Variants in LRRTM4 observed in about 807,000 individuals in gnomAD.
LRRTM4 encodes leucine-rich repeat transmembrane neuronal protein 4.
In LRRTM4, 25 loss-of-function variants were observed where a neutral mutation model predicts 47.6. The ratio of observed to expected loss-of-function variants is 0.53; its 90% CI spans 0.38 to 0.73. The LOEUF (loss-of-function observed/expected upper bound fraction) is 0.73, where lower values mean the gene tolerates loss of function less well. Ranked by LOEUF, LRRTM4 falls within the 30% of genes least tolerant of loss-of-function variation. The pLI, the probability that LRRTM4 is intolerant of heterozygous loss-of-function variation, is 0.00. For missense variants in LRRTM4, 638 were observed against 713.4 expected, an observed-to-expected ratio of 0.89 and a Z score of 1.20; for synonymous variants, 311 against 269.5, an observed-to-expected ratio of 1.15 and a Z score of -1.51.
intron 3 of LRRTM4, among the ~76,000 whole-genome samples, chr2:77,325,179 G>C (rs146786578): frequency 2.0e-5 from 3 of 152,036 alleles, no homozygotes; most frequent in African/African-American, 4.8e-5. Context: ...CCAAAGGACT[G>C]CCCCCCTTCA....
intron 3 of LRRTM4, among the ~76,000 whole-genome samples, chr2:77,176,933 T>A (rs1673213151): frequency 6.6e-6 from 1 of 152,098 alleles, no homozygotes. Context: ...TATAATACAT[T>A]AATATAATAA....
intron 3 of LRRTM4, among the ~76,000 whole-genome samples, chr2:77,253,268 T>C (rs939550879): frequency 1.3e-5 from 2 of 152,150 alleles, no homozygotes; most frequent in Admixed American, 6.6e-5. Flanking sequence ...ATTCATACTT[T>C]AGGGTTATAA....
Position 76,924,916 on chromosome 2 carries a change from C to A in LRRTM4, c.1552-176000G>T, listed in dbSNP as rs556955894. 1.4e-4 allele frequency among the ~76,000 whole-genome samples: 21 copies of A among 152,158 alleles called. No individual in the cohort carries two copies. In the East Asian group the frequency reaches 4.1e-3, roughly 29 times the overall value. ...CTACCTCTTCACGGTAACTTTAAAG[C>A]CGGAACCCTTCTGACTTAAGCACAG... On this transcript the variant is annotated intron_variant, in intron 3 of 3. Coordinates refer to ENST00000409884, the MANE Select transcript of LRRTM4 (RefSeq NM_001134745.3).
At chr2:76,956,799 GATT>G (rs1273366969) in intron 3 of LRRTM4, among the ~76,000 whole-genome samples, 1 of 151,236 alleles carries the variant, frequency 6.6e-6, no homozygotes, top group African/African-American at 2.4e-5. Context: ...GATTTCAAGA[GATT>G]ACTATGAAAA....
chr2:76,801,434 T>G (rs1414161175), intron 3 of LRRTM4, among the ~76,000 whole-genome samples: 4 of 152,086 alleles, frequency 2.6e-5, no homozygotes, highest in African/African-American at 9.6e-5. Context: ...AAACAGCGCA[T>G]ATTCTCACTC....
chr2:77,128,363 A>T (rs1671707291), intron 3 of LRRTM4, among the ~76,000 whole-genome samples: 1 of 151,618 alleles, frequency 6.6e-6, no homozygotes, highest in African/African-American at 2.4e-5. Flanking sequence ...ATAAGATAAC[A>T]ATGATAGGGC....
chr2:77,174,796 C>T (rs1045949666), intron 3 of LRRTM4, among the ~76,000 whole-genome samples: 1 of 152,020 alleles, frequency 6.6e-6, no homozygotes, highest in African/African-American at 2.4e-5. Flanking sequence ...TCCCTCCCCC[C>T]TCGCCCCACC....
intron 3 of LRRTM4, among the ~76,000 whole-genome samples, chr2:77,403,761 AC>A (rs1222005127): frequency 6.6e-6 from 1 of 151,470 alleles, no homozygotes; most frequent in East Asian, 1.9e-4. Context: ...ATTTAATCTG[AC>A]CCTAGCCCCG....
rs373387635 is a variant in LRRTM4 at position 77,477,229 on chromosome 2, T to A, written c.1551+41089A>T. Among the ~76,000 whole-genome samples, 8 of 152,074 alleles carry A rather than the reference T, an allele frequency of 5.3e-5. No homozygotes were observed. In the East Asian group the frequency reaches 1.5e-3, roughly 29 times the overall value. ...TCATGTACGGTTGGATCAAGAGCCA[T>A]CATAGAAAGTAAAAGTACATACTGA... On this transcript the variant is annotated intron_variant, in intron 3 of 3. Transcript: ENST00000409884.
intron 3 of LRRTM4, among the ~76,000 whole-genome samples, chr2:77,094,930 C>A (rs894186814): frequency 6.6e-6 from 1 of 152,112 alleles, no homozygotes; most frequent in African/African-American, 2.4e-5. Context: ...AATAGACAAA[C>A]TAGATTGTAC....
At chr2:77,254,932 A>T (rs1675720957) in intron 3 of LRRTM4, among the ~76,000 whole-genome samples, 3 of 151,774 alleles carry the variant, frequency 2.0e-5, no homozygotes, top group South Asian at 4.1e-4. Flanking sequence ...ATAAGCGATG[A>T]CATATCAATA....
intron 3 of LRRTM4, among the ~76,000 whole-genome samples, chr2:76,945,206 A>C (rs1247084944): frequency 6.6e-6 from 1 of 152,142 alleles, no homozygotes; most frequent in South Asian, 2.1e-4. Context: ...AATAAGACAG[A>C]ATAAACAAGT....
At chr2:77,032,230 C>A (rs1678685391) in intron 3 of LRRTM4, among the ~76,000 whole-genome samples, 1 of 152,120 alleles carries the variant, frequency 6.6e-6, no homozygotes, top group Admixed American at 6.6e-5. Context: ...TCTTCTGAAG[C>A]AATTCCCTCA....
chr2:76,773,076 C>A (rs1004591820), intron 3 of LRRTM4: 4 of 152,144 alleles, frequency 2.6e-5, no homozygotes, highest in Non-Finnish European at 5.9e-5. Flanking sequence ...CTATTGTGTG[C>A]CTTTTCCCTA....
intron 3 of LRRTM4, among the ~76,000 whole-genome samples, chr2:77,140,054 G>A (rs28856980): frequency 2.0e-5 from 3 of 152,086 alleles, no homozygotes; most frequent in Admixed American, 6.6e-5. Context: ...ACTGCCCAAG[G>A]TAATTTATAG....
At chr2:77,083,822 T>TTTTTTTTC (rs1558569872) in intron 3 of LRRTM4, among the ~76,000 whole-genome samples, 1 of 119,838 alleles carries the variant, frequency 8.3e-6, no homozygotes, top group African/African-American at 3.6e-5. Flanking sequence ...TTTTTTTTTT[T>TTTTTTTTC]CAGACGGAGT....
At chr2:77,220,963 A>T (rs532048831) in intron 3 of LRRTM4, among the ~76,000 whole-genome samples, 17 of 152,298 alleles carry the variant, frequency 1.1e-4, no homozygotes, top group African/African-American at 4.1e-4. Flanking sequence ...GAGAAAAGTC[A>T]GCTTACCCAC....
At chr2:77,472,699 T>G (rs1216194646) in intron 3 of LRRTM4, among the ~76,000 whole-genome samples, 1 of 152,134 alleles carries the variant, frequency 6.6e-6, no homozygotes, top group Non-Finnish European at 1.5e-5. Flanking sequence ...TAAAGAAGCA[T>G]ATATCTAGCA....
intron 3 of LRRTM4, among the ~76,000 whole-genome samples, chr2:77,341,646 T>A (rs1438984096): frequency 2.0e-5 from 3 of 152,040 alleles, no homozygotes. Context: ...GTTGAATGAA[T>A]GAAAAAATTA....
Sources: allele counts gnomAD v4.1 joint callset (sites outside exome capture counted in the v4.1 genomes callset), GRCh38; gene constraint gnomAD v4.1.1; transcripts MANE v1.5; gene names NCBI Gene and HGNC (gene_info 2026-07-23, HGNC 2026-07-21).